The following SH3RF2 variants were observed in gnomAD, a reference collection of about 807,000 sequenced individuals.
SH3RF2 encodes the protein E3 ubiquitin-protein ligase SH3RF2.
SH3RF2 carries 43 observed loss-of-function variants against 59.0 expected under a neutral mutation model. The ratio of observed to expected loss-of-function variants is 0.73; its 90% CI spans 0.57 to 0.94. SH3RF2 has a LOEUF of 0.94. SH3RF2 is among the 40% of genes least tolerant of loss of function. The probability of loss-of-function intolerance (pLI) is 0.00; values close to 1 mark genes in which losing one functional copy is unlikely to be tolerated. For missense variants in SH3RF2, 930 were observed against 940.1 expected (o/e 0.99, Z 0.14); for synonymous variants, 391 against 391.5 (o/e 1.00, Z 0.01).
At chr5:145,988,477 G>A (rs541440176) in intron 2 of SH3RF2, among the ~76,000 whole-genome samples, 1 of 152,090 alleles carries the variant, frequency 6.6e-6, no homozygotes, top group Non-Finnish European at 1.5e-5. Flanking sequence ...GGAAATAACA[G>A]TATTAGCCCC....
intron 2 of SH3RF2, among the ~76,000 whole-genome samples, chr5:145,944,337 CTTTTT>C (rs59087828): frequency 7.1e-6 from 1 of 141,084 alleles, no homozygotes; most frequent in African/African-American, 2.6e-5. Context: ...TTTCTTTTCC[CTTTTT>C]TTTTTTTTTT....
Position 146,062,893 on chromosome 5 carries a change from C to G in SH3RF2, c.*192C>G. 1 of 696,432 alleles carries G rather than the reference C, an allele frequency of 1.4e-6. No individual in the cohort carries two copies. Among genetic ancestry groups the G allele is most frequent in the Non-Finnish European group, 2.3e-6 (1 of 428,450 alleles). The allele number at this position is 696,432 out of a possible 1,614,324, so 43.1% of individuals were successfully genotyped here. ...GTGGGAGGATAGATGGCGTGGCCTT[C>G]CAAACATACAAACATAATGATTTGA... On this transcript the variant is annotated 3_prime_UTR_variant, in exon 10 of 10. Coordinates refer to ENST00000359120, the MANE Select transcript of SH3RF2 (RefSeq NM_152550.4).
At chr5:146,008,486 G>C (rs1031790235) in intron 4 of SH3RF2, among the ~76,000 whole-genome samples, 3 of 152,092 alleles carry the variant, frequency 2.0e-5, no homozygotes, top group African/African-American at 4.8e-5. Context: ...ACAATGGAGG[G>C]GCAGGTGTCC....
chr5:145,988,123 G>C (rs1759787440), intron 2 of SH3RF2, among the ~76,000 whole-genome samples: 1 of 152,138 alleles, frequency 6.6e-6, no homozygotes, highest in South Asian at 2.1e-4. Context: ...TCCCAGTGGA[G>C]TCATGCAGAC....
chr5:146,081,546 GC>G (rs1487155509), exon 10 of SH3RF2: 1 of 152,178 alleles, frequency 6.6e-6, no homozygotes, highest in Non-Finnish European at 1.5e-5. Context: ...GGGAAAGGGG[GC>G]TAGAGGTCCA....
At chr5:145,968,331 TG>T (rs1758945133) in intron 2 of SH3RF2, among the ~76,000 whole-genome samples, 2 of 152,190 alleles carry the variant, frequency 1.3e-5, no homozygotes, top group South Asian at 4.1e-4. Flanking sequence ...AAATAAACAA[TG>T]ATATATCTCT....
chr5:146,006,844 C>G (rs1468750109), intron 4 of SH3RF2, among the ~76,000 whole-genome samples: 1 of 152,214 alleles, frequency 6.6e-6, no homozygotes, highest in Non-Finnish European at 1.5e-5. Flanking sequence ...CTCACATAGT[C>G]ACTCAGGAAC....
At chr5:146,036,465 CG>C (rs1340906189) in intron 5 of SH3RF2, among the ~76,000 whole-genome samples, 3 of 152,250 alleles carry the variant, frequency 2.0e-5, no homozygotes, top group African/African-American at 7.2e-5. Flanking sequence ...GAGGCTGAGG[CG>C]GGTGGATCAC....
At chr5:146,075,778 T>TAAAAAAAAA (rs56300547) in intron 9 of SH3RF2, among the ~76,000 whole-genome samples, 2 of 76,976 alleles carry the variant, frequency 2.6e-5, no homozygotes, top group Admixed American at 1.5e-4. Flanking sequence ...AAATTCCATG[T>TAAAAAAAAA]AAAAAAAAAA....
At chr5:146,080,841 C>T (rs1456319608) in exon 10 of SH3RF2, 1 of 152,272 alleles carries the variant, frequency 6.6e-6, no homozygotes, top group Non-Finnish European at 1.5e-5. Context: ...CTCTGTCGCC[C>T]AGGCTGGAGT....
intron 2 of SH3RF2, among the ~76,000 whole-genome samples, chr5:145,999,523 G>C (rs749601721): frequency 1.6e-4 from 24 of 152,206 alleles, no homozygotes; most frequent in Middle Eastern, 3.4e-3. Flanking sequence ...TTGATTTAAA[G>C]TGAGAGATGT....
chr5:145,997,653 G>C (rs1760221660), intron 2 of SH3RF2: 2 of 1,572,042 alleles, frequency 1.3e-6, no homozygotes, highest in Admixed American at 3.6e-5. Flanking sequence ...ATGAGCAACT[G>C]TTTGCTACCC....
chr5:145,959,225 G>GT, intron 2 of SH3RF2, among the ~76,000 whole-genome samples: 1 of 152,214 alleles, frequency 6.6e-6, no homozygotes, highest in Non-Finnish European at 1.5e-5. Context: ...TTTTGGTTTT[G>GT]TTTTTTAACA....
In SH3RF2 at chr5:146,000,059, T is replaced by C; in HGVS notation, c.380T>C (p.Val127Ala). The change falls in exon 3 of 10, where the codon GTG (valine) becomes GCG (alanine). Residue 127 changes from valine to alanine, a missense_variant and splice_region_variant. Coordinates refer to ENST00000359120, the MANE Select transcript of SH3RF2 (RefSeq NM_152550.4). ...VPNVRIHMDG[V>A]PRAKALCNYR... ...TCTTATTGGTCTGTGCCATTGCAGG[T>C]GCCTCGAGCAAAGGCCTTATGCAAC... 3 of 1,612,270 alleles carry C rather than the reference T, an allele frequency of 1.9e-6. No individual in the cohort carries two copies. Among genetic ancestry groups the C allele is most frequent in the Non-Finnish European group, 2.5e-6 (3 of 1,179,284 alleles).
intron 2 of SH3RF2, among the ~76,000 whole-genome samples, chr5:145,974,132 C>A (rs538926810): frequency 1.1e-3 from 166 of 152,304 alleles, no homozygotes; most frequent in Non-Finnish European, 1.8e-3. Context: ...ACTGAGAACC[C>A]AGGCTTCTTG....
At chr5:145,968,085 G>A (rs1758933020) in intron 2 of SH3RF2, among the ~76,000 whole-genome samples, 1 of 152,154 alleles carries the variant, frequency 6.6e-6, no homozygotes, top group South Asian at 2.1e-4. Flanking sequence ...ATAGTTTCCT[G>A]GGAGAAGCTG....
intron 2 of SH3RF2, among the ~76,000 whole-genome samples, chr5:145,961,786 T>A (rs1758641534): frequency 6.6e-6 from 1 of 152,220 alleles, no homozygotes; most frequent in Non-Finnish European, 1.5e-5. Context: ...GTTTATCTGC[T>A]CTATTGTAGG....
chr5:145,971,594 T>A (rs1759082467), intron 2 of SH3RF2, among the ~76,000 whole-genome samples: 1 of 152,188 alleles, frequency 6.6e-6, no homozygotes, highest in Admixed American at 6.5e-5. Context: ...CTTTCTAGGA[T>A]GGGAAAGGCC....
chr5:145,998,985 A>T (rs1388979281), intron 2 of SH3RF2, among the ~76,000 whole-genome samples: 1 of 151,652 alleles, frequency 6.6e-6, no homozygotes. Context: ...ATTATGCCTA[A>T]AAAACAATAT....
Sources: allele counts gnomAD v4.1 joint callset (sites outside exome capture counted in the v4.1 genomes callset), GRCh38; gene constraint gnomAD v4.1.1; transcripts MANE v1.5; gene names NCBI Gene and HGNC (gene_info 2026-07-23, HGNC 2026-07-21).